EPHB1: variants seen among roughly 807,000 people sequenced by gnomAD.
EPHB1 encodes ephrin type-B receptor 1.
A neutral mutation model predicts 94.4 loss-of-function variants in EPHB1; 30 were observed. The ratio of observed to expected loss-of-function variants is 0.32; its 90% CI spans 0.24 to 0.43. EPHB1 has a LOEUF of 0.43. Among genes scored for constraint, EPHB1 ranks in the 20% least tolerant of loss-of-function variants. The probability of loss-of-function intolerance (pLI) is 1.00; values close to 1 mark genes in which losing one functional copy is unlikely to be tolerated. For synonymous variants in EPHB1, 522 were observed against 489.1 expected (o/e 1.07, Z -0.89); for missense variants, 1,055 against 1,308.3 (o/e 0.81, Z 2.99).
At position 134,918,173 on chromosome 3, in the gene EPHB1, G is replaced by A. The variant is rs36197; in HGVS notation, c.59-7643G>A. Among the ~76,000 whole-genome samples, 1,030 of 152,336 alleles carry A rather than the reference G, an allele frequency of 6.8e-3. 12 individuals carry two copies. The highest frequency in any genetic ancestry group is 0.024 in the African/African-American group (995 of 41,578). On this transcript the variant is annotated intron_variant, in intron 1 of 15. Transcript: ENST00000398015. Reference sequence around the variant, plus strand: ...ATAACGAAAACCAACCATTCAAACAGTACGAGTTCTGTAGAGGAAGGAAGA... The same window carrying A: ...ATAACGAAAACCAACCATTCAAACAATACGAGTTCTGTAGAGGAAGGAAGA...
At chr3:134,899,894 A>G (rs959521430) in intron 1 of EPHB1, among the ~76,000 whole-genome samples, 7 of 152,170 alleles carry the variant, frequency 4.6e-5, no homozygotes, top group Non-Finnish European at 8.8e-5. Flanking sequence ...GGTATAACAG[A>G]GAGTCATGAC....
chr3:135,065,178 A>C (rs1937565435), intron 3 of EPHB1, among the ~76,000 whole-genome samples: 1 of 152,090 alleles, frequency 6.6e-6, no homozygotes, highest in Non-Finnish European at 1.5e-5. Context: ...TGTATTCTGC[A>C]GTTGTTGGAT....
At chr3:134,934,289 A>T in intron 2 of EPHB1, among the ~76,000 whole-genome samples, 1 of 152,230 alleles carries the variant, frequency 6.6e-6, no homozygotes. Context: ...ATGGAAGTTT[A>T]AAATCACCTG....
At chr3:134,906,131 T>G (rs985888305) in intron 1 of EPHB1, among the ~76,000 whole-genome samples, 11 of 152,188 alleles carry the variant, frequency 7.2e-5, no homozygotes, top group Admixed American at 1.3e-4. Flanking sequence ...CTCTGCAAAT[T>G]CATTAATGGC....
intron 5 of EPHB1, among the ~76,000 whole-genome samples, chr3:135,133,305 T>C (rs1576415055): frequency 2.0e-5 from 3 of 152,338 alleles, no homozygotes; most frequent in Middle Eastern, 6.8e-3. Context: ...CAAGCCAGAA[T>C]AGGACCTAGT....
At chr3:135,024,626 C>T in intron 3 of EPHB1, among the ~76,000 whole-genome samples, 1 of 152,094 alleles carries the variant, frequency 6.6e-6, no homozygotes, top group East Asian at 1.9e-4. Context: ...TTGTAGTGGG[C>T]CCACTTTGGA....
intron 3 of EPHB1, among the ~76,000 whole-genome samples, chr3:134,965,092 C>T (rs1020345115): frequency 1.1e-4 from 17 of 152,178 alleles, no homozygotes; most frequent in Non-Finnish European, 2.2e-4. Flanking sequence ...AAATTTTAAA[C>T]TGTCTTTGTA....
intron 1 of EPHB1, among the ~76,000 whole-genome samples, chr3:134,865,143 A>G (rs986220995): frequency 2.0e-5 from 3 of 152,148 alleles, no homozygotes; most frequent in African/African-American, 7.2e-5. Context: ...AGATATCTAT[A>G]TATCTGAAAC....
chr3:134,951,321 T>G lies in EPHB1; in HGVS notation c.124-50T>G, dbSNP rs1933019281. On this transcript the variant is annotated intron_variant, in intron 2 of 15. Transcript: ENST00000398015. The surrounding 1 kb of genome is among the most constrained non-coding windows in gnomAD (Gnocchi z 4.5). ...GCTATGCCTATTTTTGTATTCTCAC[T>G]CTCTATTTTGTGTTTTTGCATGTGT... 5 of 1,472,386 alleles carry G rather than the reference T, an allele frequency of 3.4e-6. No homozygotes were observed. The South Asian group carries it at 7.2e-5, about 21-fold the overall frequency. The allele number at this position is 1,472,386 out of a possible 1,614,324, so 91.2% of individuals were successfully genotyped here. A position where few individuals can be genotyped will look rare whatever the true frequency, so the allele number is the denominator to read the frequency against.
chr3:134,984,725 C>G (rs963399449), intron 3 of EPHB1, among the ~76,000 whole-genome samples: 2 of 152,110 alleles, frequency 1.3e-5, no homozygotes, highest in African/African-American at 4.8e-5. Flanking sequence ...CCATCCTTGC[C>G]ACATTAGAGG....
At chr3:135,092,167 C>T (rs548498569) in intron 3 of EPHB1, among the ~76,000 whole-genome samples, 44 of 152,154 alleles carry the variant, frequency 2.9e-4, no homozygotes, top group Admixed American at 9.2e-4. Flanking sequence ...ACACTGGCAG[C>T]CGGGCACTGA....
At chr3:134,954,278 T>C (rs1226878830) in intron 3 of EPHB1, among the ~76,000 whole-genome samples, 1 of 152,164 alleles carries the variant, frequency 6.6e-6, no homozygotes, top group Non-Finnish European at 1.5e-5. Context: ...AAGGGGACCT[T>C]CGAGCAAAAG....
intron 1 of EPHB1, among the ~76,000 whole-genome samples, chr3:134,919,024 T>A (rs1176268809): frequency 2.2e-4 from 33 of 152,240 alleles, no homozygotes; most frequent in Non-Finnish European, 3.8e-4. Flanking sequence ...GAAACACCAG[T>A]TACGAGGTGG....
chr3:134,852,982 G>T (rs569517077), intron 1 of EPHB1, among the ~76,000 whole-genome samples: 55 of 152,282 alleles, frequency 3.6e-4, no homozygotes, highest in African/African-American at 1.2e-3. Flanking sequence ...TCAGAGGGCA[G>T]GTGGGGTCAC....
intron 1 of EPHB1, among the ~76,000 whole-genome samples, chr3:134,853,747 C>T (rs1171080930): frequency 3.9e-5 from 6 of 152,158 alleles, no homozygotes; most frequent in Non-Finnish European, 8.8e-5. Context: ...TTGAGCCCTT[C>T]CTGTATGGAT....
At chr3:135,124,421 G>T (rs1025660750) in intron 4 of EPHB1, among the ~76,000 whole-genome samples, 1 of 151,694 alleles carries the variant, frequency 6.6e-6, no homozygotes, top group African/African-American at 2.4e-5. Context: ...CTCCATGAGG[G>T]CAGTGTCTGT....
intron 1 of EPHB1, among the ~76,000 whole-genome samples, chr3:134,832,882 A>G (rs978318483): frequency 6.6e-6 from 1 of 152,252 alleles, no homozygotes; most frequent in African/African-American, 2.4e-5. Context: ...GCTGCAATTC[A>G]GTGTATTTAA....
rs1576460063 is a variant in EPHB1, at chr3:135,194,056, A to T, written c.2130+1233A>T. On this transcript the variant is annotated intron_variant, in intron 11 of 15. Transcript: ENST00000398015. ...CTTAGAGCAAGCTGGGTCTCAAGAAAAAGCATCCCAAGAGAGGAATGAGGA... is the reference window on the plus strand; with the variant it reads ...CTTAGAGCAAGCTGGGTCTCAAGAATAAGCATCCCAAGAGAGGAATGAGGA... 2.6e-5 allele frequency among the ~76,000 whole-genome samples: 4 copies of T among 152,324 alleles called. No individual in the cohort carries two copies. The East Asian group carries it at 7.7e-4, about 29-fold the overall frequency.
At chr3:134,804,351 G>A (rs1433749764) in intron 1 of EPHB1, among the ~76,000 whole-genome samples, 2 of 152,024 alleles carry the variant, frequency 1.3e-5, no homozygotes, top group South Asian at 2.1e-4. Context: ...AGAATAGCAC[G>A]GGGAAAGACC....
Sources: allele counts gnomAD v4.1 joint callset (sites outside exome capture counted in the v4.1 genomes callset), GRCh38; gene constraint gnomAD v4.1.1; non-coding constraint Gnocchi (gnomAD v3.1); transcripts MANE v1.5; gene names NCBI Gene and HGNC (gene_info 2026-07-23, HGNC 2026-07-21).